Variants in PRKN observed in about 807,000 individuals in gnomAD.
PRKN encodes parkin RBR E3 ubiquitin protein ligase.
PRKN carries 56 observed loss-of-function variants against 59.5 expected under a neutral mutation model. The observed-to-expected ratio is 0.94, with a 90% CI of 0.76 to 1.18. The LOEUF (loss-of-function observed/expected upper bound fraction) is 1.18, where lower values mean the gene tolerates loss of function less well. Among genes scored for constraint, PRKN ranks in the 50% most tolerant of loss-of-function variants. The pLI is 0.00. For missense variants in PRKN, 657 were observed against 596.4 expected (o/e 1.10, Z -1.06); for synonymous variants, 250 against 222.1 (o/e 1.13, Z -1.12).
intron 1 of PRKN, among the ~76,000 whole-genome samples, chr6:162,580,258 G>A (rs923813445): frequency 1.1e-4 from 16 of 151,960 alleles, no homozygotes; most frequent in African/African-American, 2.7e-4. Flanking sequence ...GTAACATTGC[G>A]GAACCCTATC....
intron 1 of PRKN, among the ~76,000 whole-genome samples, chr6:162,630,563 T>G (rs929346285): frequency 1.3e-5 from 2 of 152,122 alleles, no homozygotes; most frequent in African/African-American, 4.8e-5. Flanking sequence ...GAACATGTAA[T>G]GGGGATTTAA....
At chr6:162,622,599 C>T (rs1002672628) in intron 1 of PRKN, among the ~76,000 whole-genome samples, 2 of 152,158 alleles carry the variant, frequency 1.3e-5, no homozygotes, top group African/African-American at 4.8e-5. Flanking sequence ...CTTCTAAATA[C>T]AGTTTTTCCC....
chr6:162,618,405 T>A (rs574087558), intron 1 of PRKN, among the ~76,000 whole-genome samples: 1 of 152,290 alleles, frequency 6.6e-6, no homozygotes, highest in East Asian at 1.9e-4. Flanking sequence ...TAGGAAATAA[T>A]GTACTGTGAT....
chr6:162,060,590 C>T (rs915249325), intron 4 of PRKN, among the ~76,000 whole-genome samples: 3 of 152,134 alleles, frequency 2.0e-5, no homozygotes, highest in Admixed American at 2.0e-4. Flanking sequence ...TTTCAATGCC[C>T]AGAAAAGTGG....
intron 7 of PRKN, among the ~76,000 whole-genome samples, chr6:161,680,750 TATATATATATA>T (rs1785299141): frequency 2.0e-4 from 4 of 19,970 alleles, no homozygotes; most frequent in African/African-American, 7.3e-4. Context: ...TATATATATA[TATATATATATA>T]TATATATATA....
At chr6:162,474,844 G>A (rs543693636) in intron 1 of PRKN, among the ~76,000 whole-genome samples, 15 of 152,072 alleles carry the variant, frequency 9.9e-5, no homozygotes, top group South Asian at 2.1e-4. Context: ...TAGGCTTTGG[G>A]GTATAGGCAG....
chr6:162,294,617 C>G (rs562923674), intron 2 of PRKN, among the ~76,000 whole-genome samples: 1 of 152,120 alleles, frequency 6.6e-6, no homozygotes, highest in South Asian at 2.1e-4. Flanking sequence ...AATTGGGCAA[C>G]TGGAAAAGGA....
rs35500896 is a variant in PRKN, at chr6:162,115,879, T to C, written c.535-61705A>G. 1.2e-3 allele frequency among the ~76,000 whole-genome samples: 186 copies of C among 152,326 alleles called. 5 individuals are homozygous for C. The East Asian group carries it at 0.028, about 23-fold the overall frequency. ...CAATAGCACTAGCTAAAAAGATTGA[T>C]CTGAGTTATCCATTTATTTTAGAGT... On this transcript the variant is annotated intron_variant, in intron 4 of 11. Coordinates refer to ENST00000366898, the MANE Select transcript of PRKN (RefSeq NM_004562.3).
chr6:162,624,397 T>G (rs1370055469), intron 1 of PRKN: 1 of 152,242 alleles, frequency 6.6e-6, no homozygotes, highest in Non-Finnish European at 1.5e-5. Context: ...ATTATTCCAT[T>G]AACTCATTTG....
rs1781133531 is a variant in PRKN, at chr6:161,576,485, CA to C, written c.872-7070del. Among the ~76,000 whole-genome samples, 3 of 152,276 alleles carry C rather than the reference CA, an allele frequency of 2.0e-5. No individual in the cohort carries two copies. The East Asian group carries it at 5.8e-4, about 29-fold the overall frequency. ...TGTAATAACAGCAACAACAAAACGA[CA>C]CATCTAAAATGACCATCAACAGAAG... is the stretch of plus-strand genomic sequence containing the variant. On this transcript the variant is annotated intron_variant, in intron 7 of 11. Transcript: ENST00000366898. This position sits in a 1 kb window ranked among gnomAD's most constrained non-coding sequence, Gnocchi z 4.6.
Position 161,386,760 on chromosome 6 carries a change from C to T in PRKN, c.1167+34G>A. ...CTCCAGTCCCCCACTGTATCCGGAG[C>T]CCTGCTTGGAGGAATGAGTAGGGCA... On this transcript the variant is annotated intron_variant, in intron 10 of 11. Transcript: ENST00000366898. The surrounding 1 kb of genome is among the most constrained non-coding windows in gnomAD (Gnocchi z 4.3). 6.6e-7 allele frequency: 1 copy of T among 1,514,038 alleles called. No individual in the cohort carries two copies. Among genetic ancestry groups the T allele is most frequent in the Non-Finnish European group, 9.2e-7 (1 of 1,088,934 alleles). 93.8% of individuals were successfully genotyped at this position (1,514,038 alleles called of 1,614,324 possible).
intron 1 of PRKN, chr6:162,569,283 C>T: frequency 3.3e-6 from 2 of 599,888 alleles, no homozygotes; most frequent in Non-Finnish European, 3.2e-6. Context: ...GCCACCATCG[C>T]AGATGTCAAG....
At chr6:161,853,684 C>T (rs771337762) in intron 6 of PRKN, among the ~76,000 whole-genome samples, 5 of 152,250 alleles carry the variant, frequency 3.3e-5, no homozygotes, top group East Asian at 1.9e-4. Context: ...TTAAAGTCCT[C>T]GTTGCTTTAC....
chr6:162,223,736 T>C (rs1398657301), intron 3 of PRKN, among the ~76,000 whole-genome samples: 1 of 151,810 alleles, frequency 6.6e-6, no homozygotes, highest in Non-Finnish European at 1.5e-5. Context: ...TTGTATCTCT[T>C]TCTTATGTCC....
At chr6:162,246,547 A>G (rs1314657248) in intron 3 of PRKN, among the ~76,000 whole-genome samples, 2 of 152,182 alleles carry the variant, frequency 1.3e-5, no homozygotes, top group African/African-American at 4.8e-5. Context: ...ATCTCCTCTT[A>G]TAGAAACTGC....
In PRKN at chr6:161,552,539, C is replaced by CT. The variant is rs1780066599; in HGVS notation, c.934-3537dup. Among the ~76,000 whole-genome samples, 2 of 151,964 alleles carry CT rather than the reference C, an allele frequency of 1.3e-5. No individual in the cohort carries two copies. Among genetic ancestry groups the CT allele is most frequent in the African/African-American group, 2.4e-5 (1 of 41,380 alleles). ...CTGCATCACCGAACTGCTCAACCTACTTTTTTGTCTTGACCTGTCCAAATC... is the reference window on the plus strand; with the variant it reads ...CTGCATCACCGAACTGCTCAACCTACTTTTTTTGTCTTGACCTGTCCAAATC... On this transcript the variant is annotated intron_variant, in intron 8 of 11. Coordinates refer to ENST00000366898, the MANE Select transcript of PRKN (RefSeq NM_004562.3). This position sits in a 1 kb window ranked among gnomAD's most constrained non-coding sequence, Gnocchi z 4.9.
intron 3 of PRKN, among the ~76,000 whole-genome samples, chr6:162,237,922 C>A (rs1342506695): frequency 1.3e-5 from 2 of 152,110 alleles, no homozygotes; most frequent in Non-Finnish European, 2.9e-5. Context: ...CCTGTACATA[C>A]ACGCAAGAAC....
At chr6:162,654,444 C>T (rs866068533) in intron 1 of PRKN, among the ~76,000 whole-genome samples, 1 of 152,100 alleles carries the variant, frequency 6.6e-6, no homozygotes, top group South Asian at 2.1e-4. Context: ...CTGAGGAGCC[C>T]GAGTTCCCAA....
chr6:161,678,674 C>T (rs1284012601), intron 7 of PRKN, among the ~76,000 whole-genome samples: 1 of 150,258 alleles, frequency 6.7e-6, no homozygotes, highest in African/African-American at 2.5e-5. Context: ...AAGCAATTCT[C>T]CTGCCTCAAC....
Sources: allele counts gnomAD v4.1 joint callset (sites outside exome capture counted in the v4.1 genomes callset), GRCh38; gene constraint gnomAD v4.1.1; non-coding constraint Gnocchi (gnomAD v3.1); transcripts MANE v1.5; gene names NCBI Gene and HGNC (gene_info 2026-07-23, HGNC 2026-07-21).